Variants in SLC6A16 observed in about 807,000 individuals in gnomAD.
SLC6A16 encodes the protein orphan sodium- and chloride-dependent neurotransmitter transporter NTT5.
In SLC6A16, 54 loss-of-function variants were observed where a neutral mutation model predicts 65.4. The observed-to-expected ratio is 0.83, with a 90% CI of 0.66 to 1.04. The LOEUF is 1.04. Among genes scored for constraint, SLC6A16 ranks in the 50% least tolerant of loss-of-function variants. The pLI is 0.00. For synonymous variants in SLC6A16, 330 were observed against 346.5 expected (o/e 0.95, Z 0.53); for missense variants, 816 against 914.0 (o/e 0.89, Z 1.38).
chr19:49,320,220 C>T (rs892834708), intron 1 of SLC6A16, among the ~76,000 whole-genome samples: 3 of 151,948 alleles, frequency 2.0e-5, no homozygotes, highest in African/African-American at 7.3e-5. Context: ...ACCAGCTTGA[C>T]CTACATAGTG....
intron 7 of SLC6A16, among the ~76,000 whole-genome samples, chr19:49,301,753 G>C (rs1406103438): frequency 6.6e-6 from 1 of 152,084 alleles, no homozygotes; most frequent in East Asian, 1.9e-4. Flanking sequence ...TCAATACCAT[G>C]GTCACCCAGA....
chr19:49,339,011 G>A, the SLC6A16 span: 4 of 1,215,064 alleles, frequency 3.3e-6, no homozygotes, highest in South Asian at 3.9e-5. This position sits in a 1 kb window ranked among gnomAD's most constrained non-coding sequence, Gnocchi z 4.5. Context: ...TCAGTGAGTA[G>A]CGGCCTGAGA....
At chr19:49,307,188 C>T (rs1970407580) in intron 7 of SLC6A16, among the ~76,000 whole-genome samples, 1 of 151,456 alleles carries the variant, frequency 6.6e-6, no homozygotes, top group Non-Finnish European at 1.5e-5. Context: ...TTGTTTTATG[C>T]ATTTTTCCAT....
rs1428461630 is a variant in SLC6A16 at position 49,290,746 on chromosome 19, GA to G, written c.1799del (p.Ile600ThrfsTer24). The G allele has an allele frequency of 6.2e-7, 1 of 1,611,528 alleles. No individual in the cohort carries two copies. The highest frequency in any genetic ancestry group is 2.2e-5 in the East Asian group (1 of 44,796). On this transcript the variant is annotated frameshift_variant, in exon 11 of 12. Coordinates refer to ENST00000335875, the MANE Select transcript of SLC6A16 (RefSeq NM_014037.3). LOFTEE classifies it high-confidence loss of function. ...GARRFLADLT[I>X]LLGHPISPIF... is the part of the protein sequence containing the mutation. ...TGGGAGAGATGGGGTGGCCCAACAG[GA>G]TCGTCAGGTCTGCAAGGAACCTGGA...
upstream of SLC6A16, among the ~76,000 whole-genome samples, chr19:49,326,680 A>T (rs1970801030): frequency 6.6e-6 from 1 of 152,156 alleles, no homozygotes; most frequent in Admixed American, 6.5e-5. Context: ...AAGAAAACAG[A>T]TATATGATGA....
chr19:49,305,313 T>C (rs354015), intron 7 of SLC6A16, among the ~76,000 whole-genome samples: 120,691 of 152,028 alleles, frequency 0.79, 48,523 homozygotes, highest in African/African-American at 0.92. Context: ...CAGTGCCGGC[T>C]GGGTGTGGTG....
chr19:49,301,974 C>T (rs1285652027), intron 7 of SLC6A16, among the ~76,000 whole-genome samples: 1 of 152,214 alleles, frequency 6.6e-6, no homozygotes, highest in Non-Finnish European at 1.5e-5. Flanking sequence ...AGCTAGGCCC[C>T]GCGGCTGCAT....
Position 49,294,364 on chromosome 19 carries a change from G to A in SLC6A16, c.1416+3C>T, listed in dbSNP as rs1970142549. 2 of 1,613,578 alleles carry A rather than the reference G, an allele frequency of 1.2e-6. No individual in the cohort carries two copies. The highest frequency in any genetic ancestry group is 1.7e-6 in the Non-Finnish European group (2 of 1,179,806). On this transcript the variant is annotated splice_donor_region_variant and intron_variant, in intron 8 of 11. Coordinates refer to ENST00000335875, the MANE Select transcript of SLC6A16 (RefSeq NM_014037.3). ...GGCTCCCCCCTCAGCTATGTTTACT[G>A]ACCTTAAGAAACTGAGTCTCTATGT...
Position 49,290,379 on chromosome 19 carries a change from A to T in SLC6A16, c.1955T>A (p.Leu652His). The T allele has an allele frequency of 6.2e-7, 1 of 1,613,112 alleles. No homozygotes were observed. The highest frequency in any genetic ancestry group is 2.2e-5 in the East Asian group (1 of 44,864). Residue 652 changes from leucine to histidine, a missense_variant, in exon 12 of 12, where the codon CTT (leucine) becomes CAT (histidine). Coordinates refer to ENST00000335875, the MANE Select transcript of SLC6A16 (RefSeq NM_014037.3). The part of the protein sequence containing the change: ...SWDSSTSKEV[L>H]RPYPPWALLL... ...CAGTGCCCACGGTGGGTATGGTCGA[A>T]GCACCTCTTTTGACTGTGGAGAGAT...
At chr19:49,335,514 G>A in the SLC6A16 span, 4 of 1,582,732 alleles carry the variant, frequency 2.5e-6, no homozygotes, top group Non-Finnish European at 3.5e-6. This position sits in a 1 kb window ranked among gnomAD's most constrained non-coding sequence, Gnocchi z 4.6. Flanking sequence ...TGTGTGGTGA[G>A]TGGACCGCTT....
rs143434861 is a variant in SLC6A16, at chr19:49,309,098, A to C, written c.1007T>G (p.Met336Arg). The change falls in exon 7 of 12, where the codon ATG (methionine) becomes AGG (arginine). Residue 336 changes from methionine (M) to arginine (R), a missense_variant. By Grantham distance (91) the Met-to-Arg change is moderately conservative. Coordinates refer to ENST00000335875, the MANE Select transcript of SLC6A16 (RefSeq NM_014037.3). ...VVAKISDVYN[M>R]SVWSLAGGQV... ...ACCCCCTGCTAGAGACCACACACTC[A>C]TATTGTACACATCCGATATCTAAAA... 2.9e-5 allele frequency: 47 copies of C among 1,614,196 alleles called. No homozygotes were observed. Among genetic ancestry groups the C allele is most frequent in the Non-Finnish European group, 3.9e-5 (46 of 1,180,022 alleles).
rs1970088366 is a variant in SLC6A16 at position 49,292,076 on chromosome 19, T to A, written c.1778+1147A>T. On this transcript the variant is annotated intron_variant, in intron 10 of 11. Coordinates refer to ENST00000335875, the MANE Select transcript of SLC6A16 (RefSeq NM_014037.3). The surrounding 1 kb of genome is among the most constrained non-coding windows in gnomAD (Gnocchi z 4.3). ...CCATTCTTAGCTCTCACTTGAAATA[T>A]TACATAGCTTTCACCAGGCGGGGTG... 6.6e-6 allele frequency among the ~76,000 whole-genome samples: 1 copy of A among 152,154 alleles called. No individual in the cohort carries two copies. The highest frequency in any genetic ancestry group is 2.1e-4 in the South Asian group (1 of 4,832).
chr19:49,329,115 T>C (rs115627029), upstream of SLC6A16, among the ~76,000 whole-genome samples: 689 of 152,126 alleles, frequency 4.5e-3, 3 homozygotes, highest in African/African-American at 0.016. Flanking sequence ...TTTTTTGAGA[T>C]AGAGTCCTGC....
Position 49,310,138 on chromosome 19 carries a change from T to C in SLC6A16, c.602A>G (p.Asn201Ser), listed in dbSNP as rs200575419. The C allele has an allele frequency of 1.8e-4, 293 of 1,613,806 alleles. 2 individuals carry two copies. Among genetic ancestry groups the C allele is most frequent in the East Asian group, 6.7e-5 (3 of 44,882 alleles). Residue 201 changes from asparagine (N) to serine (S), a missense_variant, in exon 4 of 12, where the codon AAT becomes AGT. Physicochemically the swap from Asn to Ser is conservative, Grantham distance 46. Transcript: ENST00000335875. Reference sequence around the variant, plus strand: ...GAAGATGATCCAGGAATTGACCACATTGAAGTACAGGCCGAGGATGAAGCA... The same window carrying C: ...GAAGATGATCCAGGAATTGACCACACTGAAGTACAGGCCGAGGATGAAGCA... ...MVCFILGLYF[N>S]VVNSWIIFYM...
chr19:49,304,548 C>T (rs1970346826), intron 7 of SLC6A16, among the ~76,000 whole-genome samples: 1 of 151,932 alleles, frequency 6.6e-6, no homozygotes, highest in Non-Finnish European at 1.5e-5. Context: ...GGCGGATCAC[C>T]TGAGGTCGAA....
intron 1 of SLC6A16, among the ~76,000 whole-genome samples, chr19:49,318,048 G>A (rs1276834284): frequency 1.3e-5 from 2 of 152,052 alleles, no homozygotes; most frequent in African/African-American, 4.8e-5. Context: ...GAATTAGCTG[G>A]GCTAAGTACT....
the SLC6A16 span, chr19:49,337,572 T>G: frequency 8.1e-7 from 1 of 1,229,136 alleles, no homozygotes; most frequent in South Asian, 1.3e-5. Context: ...CAGTGAGCCA[T>G]GCACTCAGCC....
At chr19:49,338,895 G>T in the SLC6A16 span, 1 of 1,614,160 alleles carries the variant, frequency 6.2e-7, no homozygotes, top group Non-Finnish European at 8.5e-7. This position sits in a 1 kb window ranked among gnomAD's most constrained non-coding sequence, Gnocchi z 5.0. Flanking sequence ...ACACAGTGCA[G>T]ACATCTGCGC....
the SLC6A16 span, chr19:49,335,635 C>T: frequency 5.2e-5 from 84 of 1,610,576 alleles, no homozygotes; most frequent in East Asian, 1.3e-3. This position sits in a 1 kb window ranked among gnomAD's most constrained non-coding sequence, Gnocchi z 4.6. Context: ...GCTACCCAGC[C>T]GGGGCCCAGC....
Sources: allele counts gnomAD v4.1 joint callset (sites outside exome capture counted in the v4.1 genomes callset), GRCh38; gene constraint gnomAD v4.1.1; non-coding constraint Gnocchi (gnomAD v3.1); transcripts MANE v1.5; gene names NCBI Gene and HGNC (gene_info 2026-07-23, HGNC 2026-07-21).